USP39: variants seen among roughly 807,000 people sequenced by gnomAD.
The protein encoded by USP39 is ubiquitin carboxyl-terminal hydrolase 39.
A neutral mutation model predicts 66.4 loss-of-function variants in USP39; 38 were observed. That is an observed-to-expected ratio of 0.57 (90% CI 0.44 to 0.75). The LOEUF is 0.75. Among genes scored for constraint, USP39 ranks in the 30% least tolerant of loss-of-function variants. The pLI, the probability that USP39 is intolerant of heterozygous loss-of-function variation, is 0.00. For synonymous variants in USP39, 303 were observed against 274.6 expected, an observed-to-expected ratio of 1.10 and a Z score of -1.02; for missense variants, 608 against 714.4, an observed-to-expected ratio of 0.85 and a Z score of 1.70.
chr2:85,620,125 T>C (rs1410154879), intron 2 of USP39, among the ~76,000 whole-genome samples: 3 of 151,332 alleles, frequency 2.0e-5, no homozygotes, highest in Non-Finnish European at 4.4e-5. Context: ...CCCAAAGTGC[T>C]GGGATTACAG....
At chr2:85,627,952 G>A (rs745505887) in intron 5 of USP39, among the ~76,000 whole-genome samples, 2 of 152,088 alleles carry the variant, frequency 1.3e-5, no homozygotes, top group East Asian at 3.9e-4. Flanking sequence ...CATGTTTTCT[G>A]CTAGTTCTTA....
intron 5 of USP39, among the ~76,000 whole-genome samples, chr2:85,627,883 T>G (rs1176915366): frequency 6.6e-6 from 1 of 152,200 alleles, no homozygotes; most frequent in Non-Finnish European, 1.5e-5. Flanking sequence ...TTGGTTCGTC[T>G]TACTGAGCTT....
At chr2:85,645,217 A>G in intron 11 of USP39, 134 bp downstream of exon 11, 1 of 1,260,884 alleles carries the variant, frequency 7.9e-7, no homozygotes, top group Non-Finnish European at 1.1e-6. Context: ...TAGTGCTGTC[A>G]GTAGTTAGTT....
upstream of USP39, chr2:85,616,045 A>G: frequency 7.7e-7 from 1 of 1,293,342 alleles, no homozygotes; most frequent in African/African-American, 1.5e-5. Flanking sequence ...CAGGAACAGC[A>G]CCGCCCACAA....
rs368952101 is a variant in USP39, at chr2:85,637,524, G to C, written c.1095+88G>C. ...GAAGAGATGCTCAGAGAACTGACAA[G>C]CCTGCTTGCCCTGTGAAGAGGTTCA... On this transcript the variant is annotated intron_variant, in intron 8 of 12. Transcript: ENST00000323701. 380 of 1,434,174 alleles carry C rather than the reference G, an allele frequency of 2.6e-4. No homozygotes were observed. In the African/African-American group the frequency reaches 4.8e-3, roughly 18 times the overall value. The allele number at this position is 1,434,174 out of a possible 1,614,324, so 88.8% of individuals were successfully genotyped here.
upstream of USP39, among the ~76,000 whole-genome samples, chr2:85,614,107 T>TG (rs1673757269): frequency 6.6e-6 from 1 of 152,022 alleles, no homozygotes; most frequent in African/African-American, 2.4e-5. Context: ...GCTTCATGGG[T>TG]GTATATGTTA....
rs1440213557 is a variant in USP39 at position 85,641,127 on chromosome 2, C to A, written c.1427+9C>A. On this transcript the variant is annotated intron_variant, in intron 10 of 12. Coordinates refer to ENST00000323701, the MANE Select transcript of USP39 (RefSeq NM_006590.4). ...GTCAATTTCCCTATTACGTAAGTAA[C>A]ATCCTGCCTCACTTCTCTCACGGGG... 6.2e-7 allele frequency: 1 copy of A among 1,611,512 alleles called. No homozygotes were observed. Among genetic ancestry groups the A allele is most frequent in the Admixed American group, 1.7e-5 (1 of 59,302 alleles).
At chr2:85,626,703 CAA>C in intron 5 of USP39, among the ~76,000 whole-genome samples, 1 of 151,930 alleles carries the variant, frequency 6.6e-6, no homozygotes, top group Non-Finnish European at 1.5e-5. Flanking sequence ...GGCAGAAAAC[CAA>C]AGCTGTCCTA....
At chr2:85,645,259 T>C in intron 11 of USP39, 176 bp downstream of exon 11, 1 of 783,962 alleles carries the variant, frequency 1.3e-6, no homozygotes, top group Non-Finnish European at 1.9e-6. Flanking sequence ...TGGCTACACA[T>C]TGGACTCACC....
intron 6 of USP39, among the ~76,000 whole-genome samples, chr2:85,635,817 A>G (rs576951897): frequency 6.6e-6 from 1 of 152,288 alleles, no homozygotes; most frequent in East Asian, 1.9e-4. Context: ...GTGATGCGAT[A>G]CAGTCCTGGT....
intron 7 of USP39, among the ~76,000 whole-genome samples, chr2:85,637,131 A>C (rs766491372): frequency 1.3e-5 from 2 of 152,166 alleles, no homozygotes; most frequent in Non-Finnish European, 2.9e-5. Flanking sequence ...TTTATGGACC[A>C]GGCCCTGTGA....
chr2:85,604,359 G>C (rs1673136516), intron 1 of USP39, among the ~76,000 whole-genome samples: 1 of 152,106 alleles, frequency 6.6e-6, no homozygotes, highest in Non-Finnish European at 1.5e-5. Flanking sequence ...ACAGGTGCCT[G>C]CCACCATGCC....
Position 85,648,902 on chromosome 2 carries a change from C to A in USP39, c.*94C>A. On this transcript the variant is annotated 3_prime_UTR_variant, in exon 13 of 13. Coordinates refer to ENST00000323701, the MANE Select transcript of USP39 (RefSeq NM_006590.4). ...AGCTGAACACAGGCTGGCTGGTGGG[C>A]TTCCTAGGCCAGCCCAGCTTGTATG... 2 of 1,479,486 alleles carry A rather than the reference C, an allele frequency of 1.4e-6. No homozygotes were observed. Among genetic ancestry groups the A allele is most frequent in the Non-Finnish European group, 1.9e-6 (2 of 1,067,432 alleles). 91.6% of individuals were successfully genotyped at this position (1,479,486 alleles called of 1,614,324 possible).
chr2:85,611,991 C>CCGGGGACG (rs772231715), upstream of USP39: 120 of 1,520,402 alleles, frequency 7.9e-5, no homozygotes, highest in East Asian at 2.6e-3. Context: ...CCATCAGGAG[C>CCGGGGACG]CGGGGACGCA....
chr2:85,612,512 C>T (rs1294992855), upstream of USP39, among the ~76,000 whole-genome samples: 2 of 152,002 alleles, frequency 1.3e-5, no homozygotes, highest in Non-Finnish European at 2.9e-5. Context: ...GGCAGGGCAA[C>T]AGCGGCGCCC....
upstream of USP39, chr2:85,611,120 G>T: frequency 2.7e-6 from 1 of 364,086 alleles, no homozygotes; most frequent in Non-Finnish European, 4.1e-6. Context: ...CACGCCTGTG[G>T]TCCCAGGTAC....
chr2:85,608,828 C>A, upstream of USP39: 1 of 1,411,786 alleles, frequency 7.1e-7, no homozygotes, highest in Non-Finnish European at 9.7e-7. Context: ...ATGGATGCAG[C>A]AGCTCTGGGG....
intron 3 of USP39, 27 bp from the exon 4 acceptor site, chr2:85,623,619 A>C: frequency 6.2e-7 from 1 of 1,605,482 alleles, no homozygotes; most frequent in Non-Finnish European, 8.5e-7. Flanking sequence ...CTGCCCTTCT[A>C]TTACAGCTTT....
chr2:85,624,163 C>G (rs962160482), intron 4 of USP39, among the ~76,000 whole-genome samples: 2 of 152,050 alleles, frequency 1.3e-5, no homozygotes, highest in Admixed American at 1.3e-4. Flanking sequence ...TAACATACGC[C>G]GTGGCCAGAG....
Sources: allele counts gnomAD v4.1 joint callset (sites outside exome capture counted in the v4.1 genomes callset), GRCh38; gene constraint gnomAD v4.1.1; transcripts MANE v1.5; gene names NCBI Gene and HGNC (gene_info 2026-07-23, HGNC 2026-07-21).